The following NABP1 variants were observed in gnomAD, a reference collection of about 807,000 sequenced individuals.
The protein encoded by NABP1 is SOSS complex subunit B2.
A neutral mutation model predicts 25.0 loss-of-function variants in NABP1; 18 were observed. The ratio of observed to expected loss-of-function variants is 0.72; its 90% CI spans 0.50 to 1.07. NABP1 has a LOEUF of 1.07. Among genes scored for constraint, NABP1 ranks in the 50% least tolerant of loss-of-function variants. The pLI, the probability that NABP1 is intolerant of heterozygous loss-of-function variation, is 0.00. For missense variants in NABP1, 270 were observed against 255.6 expected (o/e 1.06, Z -0.39); for synonymous variants, 71 against 85.0 (o/e 0.84, Z 0.91).
At chr2:191,682,491 G>A (rs1687713274) in intron 3 of NABP1, 1 of 471,040 alleles carries the variant, frequency 2.1e-6, no homozygotes. Context: ...TTTATCCACA[G>A]TCTAGGTGCG....
rs764450900 is a variant in NABP1, at chr2:191,685,746, C to G, written c.593C>G (p.Pro198Arg). 4.3e-6 allele frequency: 7 copies of G among 1,613,946 alleles called. No homozygotes were observed. Among genetic ancestry groups the G allele is most frequent in the Middle Eastern group, 1.6e-4 (1 of 6,084 alleles). The change falls in exon 6 of 6, where the codon CCT (proline) becomes CGT (arginine). Residue 198 changes from proline to arginine, a missense_variant. Coordinates refer to ENST00000425611, the MANE Select transcript of NABP1 (RefSeq NM_001031716.5). ...VMTTISNGRD[P>R]RRAFKR Reference sequence around the variant, plus strand: ...ACCACAATAAGTAATGGCAGGGACCCTCGGAGAGCCTTTAAAAGATGACCT... The same window carrying G: ...ACCACAATAAGTAATGGCAGGGACCGTCGGAGAGCCTTTAAAAGATGACCT...
intron 1 of NABP1, 132 bp from the exon 2 acceptor site, chr2:191,678,858 A>C: frequency 7.2e-7 from 1 of 1,395,902 alleles, no homozygotes; most frequent in South Asian, 1.3e-5. Flanking sequence ...ATCGGATCCT[A>C]CCTGAGGCGG....
Position 191,678,378 on chromosome 2 carries a change from CT to C in NABP1, c.-230del, listed in dbSNP as rs1423189357. The C allele has an allele frequency of 5.9e-6, 2 of 338,110 alleles. No individual in the cohort carries two copies. The highest frequency in any genetic ancestry group is 1.0e-5 in the Non-Finnish European group (2 of 190,884). The allele number at this position is 338,110 out of a possible 1,614,324, so 20.9% of individuals were successfully genotyped here. A position where few individuals can be genotyped will look rare whatever the true frequency, so the allele number is the denominator to read the frequency against. On this transcript the variant is annotated 5_prime_UTR_variant, in exon 1 of 6. Transcript: ENST00000425611. ...GGGGTTGGTGTGCGGAGTGGTTCGC[CT>C]TTTTTTCTTTAGAACTTGTGAGCCT...
chr2:191,678,750 G>A (rs1391709487), intron 1 of NABP1, 45 bp downstream of exon 1: 1 of 1,552,216 alleles, frequency 6.4e-7, no homozygotes, highest in East Asian at 2.2e-5. Context: ...TGTGCCTCCC[G>A]GGGCGGGAGA....
At position 191,679,018 on chromosome 2, in the gene NABP1, T is replaced by A. The variant is rs768479440; in HGVS notation, c.120T>A (p.His40Gln). 2 of 1,614,106 alleles carry A rather than the reference T, an allele frequency of 1.2e-6. No homozygotes were observed. The highest frequency in any genetic ancestry group is 1.7e-5 in the Admixed American group (1 of 60,008). ...GCGTGACCAAAACCAAAGACGGCCA[T>A]GAAGTGAGATCGTGCAAAGTAGCAG... ...IGRVTKTKDGHEVRSCKVADK... is the reference protein window; with the variant it reads ...IGRVTKTKDGQEVRSCKVADK... Residue 40 changes from histidine (H) to glutamine (Q), a missense_variant, in exon 2 of 6, where the codon CAT becomes CAA. Physicochemically the swap from His to Gln is conservative, Grantham distance 24. Coordinates refer to ENST00000425611, the MANE Select transcript of NABP1 (RefSeq NM_001031716.5).
chr2:191,685,018 A>G (rs1687780215), intron 5 of NABP1: 1 of 152,128 alleles, frequency 6.6e-6, no homozygotes, highest in Non-Finnish European at 1.5e-5. Context: ...CCACCCAGCT[A>G]ATTTTTATAT....
In NABP1 at chr2:191,678,403, CTTT is replaced by C. The variant is rs781513296; in HGVS notation, c.-190_-188del. The C allele has an allele frequency of 9.1e-5, 22 of 242,004 alleles. No individual in the cohort carries two copies. Among genetic ancestry groups the C allele is most frequent in the African/African-American group, 4.3e-4 (14 of 32,304 alleles). 15.0% of individuals were successfully genotyped at this position (242,004 alleles called of 1,614,324 possible). ...CTTTTTTTCTTTAGAACTTGTGAGC[CTTT>C]TTTTTTTTTTTTTTTTTTTTTCTTT... On this transcript the variant is annotated 5_prime_UTR_variant, in exon 1 of 6. Transcript: ENST00000425611.
In NABP1 at chr2:191,685,581, T is replaced by G. The variant is rs1345256824; in HGVS notation, c.446-18T>G. 1 of 1,592,932 alleles carries G rather than the reference T, an allele frequency of 6.3e-7. No homozygotes were observed. The highest frequency in any genetic ancestry group is 1.3e-5 in the African/African-American group (1 of 74,116). On this transcript the variant is annotated intron_variant, in intron 5 of 5. Transcript: ENST00000425611. ...ACTACCTCTGAAAATAGTGATGAAT[T>G]TTTGTATTCTTTTTTAGGAAATGGT...
In NABP1 at chr2:191,685,706, A is replaced by G; in HGVS notation, c.553A>G (p.Asn185Asp). ...INPQLQGTAS[N>D]QTVMTTISNG... ...TCCACAACTACAAGGAACAGCTAGT[A>G]ATCAAACAGTGATGACCACAATAAG... Residue 185 changes from asparagine to aspartate, a missense_variant, in exon 6 of 6, where the codon AAT becomes GAT. Coordinates refer to ENST00000425611, the MANE Select transcript of NABP1 (RefSeq NM_001031716.5). 1 of 1,614,164 alleles carries G rather than the reference A, an allele frequency of 6.2e-7. No individual in the cohort carries two copies. Among genetic ancestry groups the G allele is most frequent in the Admixed American group, 1.7e-5 (1 of 60,024 alleles).
chr2:191,678,931 C>A (rs567305362), intron 1 of NABP1, 59 bp from the exon 2 acceptor site: 1 of 1,610,438 alleles, frequency 6.2e-7, no homozygotes, highest in Admixed American at 1.7e-5. Flanking sequence ...GAGGAGTTAG[C>A]CTTTCTGGAT....
In NABP1 at chr2:191,682,020, A is replaced by G; in HGVS notation, c.302+3A>G. 6.8e-7 allele frequency: 1 copy of G among 1,465,450 alleles called. No homozygotes were observed. The highest frequency in any genetic ancestry group is 9.1e-7 in the Non-Finnish European group (1 of 1,104,070). 90.8% of individuals were successfully genotyped at this position (1,465,450 alleles called of 1,614,324 possible). A position where few individuals can be genotyped will look rare whatever the true frequency, so the allele number is the denominator to read the frequency against. On this transcript the variant is annotated splice_donor_region_variant and intron_variant, in intron 3 of 5. Transcript: ENST00000425611. ...GGTGAACTTCAAAAAATTGGGGAGT[A>G]AGTATTAAAATGCATTTTGTATAAT... is the stretch of plus-strand genomic sequence containing the variant.
rs894508492 is a variant in NABP1 at position 191,683,248 on chromosome 2, T to G, written c.303-481T>G. ...TATGTAGCCTGTTGTTATTATTTATTGCCTAGAAACCACTCTTAACCCTAA... is the reference window on the plus strand; with the variant it reads ...TATGTAGCCTGTTGTTATTATTTATGGCCTAGAAACCACTCTTAACCCTAA... On this transcript the variant is annotated intron_variant, in intron 3 of 5. Coordinates refer to ENST00000425611, the MANE Select transcript of NABP1 (RefSeq NM_001031716.5). The surrounding 1 kb of genome is among the most constrained non-coding windows in gnomAD (Gnocchi z 4.1). 1 of 171,476 alleles carries G rather than the reference T, an allele frequency of 5.8e-6. No individual in the cohort carries two copies. The highest frequency in any genetic ancestry group is 5.8e-5 in the Admixed American group (1 of 17,280). The allele number at this position is 171,476 out of a possible 1,614,324, so 10.6% of individuals were successfully genotyped here.
In NABP1 at chr2:191,685,772, A is replaced by G; in HGVS notation, c.*4A>G. 6.2e-7 allele frequency: 1 copy of G among 1,613,744 alleles called. No homozygotes were observed. The highest frequency in any genetic ancestry group is 8.5e-7 in the Non-Finnish European group (1 of 1,179,734). On this transcript the variant is annotated 3_prime_UTR_variant, in exon 6 of 6. Coordinates refer to ENST00000425611, the MANE Select transcript of NABP1 (RefSeq NM_001031716.5). ...TCGGAGAGCCTTTAAAAGATGACCT[A>G]TGCTAAATACTCATGTGTAGTTTTT...
rs1384571736 is a variant in NABP1 at position 191,683,678 on chromosome 2, T to C, written c.303-51T>C. On this transcript the variant is annotated intron_variant, in intron 3 of 5. Coordinates refer to ENST00000425611, the MANE Select transcript of NABP1 (RefSeq NM_001031716.5). The surrounding 1 kb of genome is among the most constrained non-coding windows in gnomAD (Gnocchi z 4.1). Reference sequence around the variant, plus strand: ...GTTAGAGATGTTACATAAAGAAGGGTTGAGGACTTTATTTCAGAAGTCATT... The same window carrying C: ...GTTAGAGATGTTACATAAAGAAGGGCTGAGGACTTTATTTCAGAAGTCATT... 6.7e-6 allele frequency: 9 copies of C among 1,348,658 alleles called. No individual in the cohort carries two copies. The highest frequency in any genetic ancestry group is 8.4e-6 in the Non-Finnish European group (8 of 948,782). The allele number at this position is 1,348,658 out of a possible 1,614,324, so 83.5% of individuals were successfully genotyped here.
At position 191,678,785 on chromosome 2, in the gene NABP1, C is replaced by G. The variant is rs191533452; in HGVS notation, c.91+80C>G. Reference sequence around the variant, plus strand: ...ACAGGGGCGCCGGCCGCTGCGCGCCCGGGGCTCCCCTCCTCCTCCCTCCCC... The same window carrying G: ...ACAGGGGCGCCGGCCGCTGCGCGCCGGGGGCTCCCCTCCTCCTCCCTCCCC... On this transcript the variant is annotated intron_variant, in intron 1 of 5. Coordinates refer to ENST00000425611, the MANE Select transcript of NABP1 (RefSeq NM_001031716.5). 5 of 1,379,238 alleles carry G rather than the reference C, an allele frequency of 3.6e-6. No homozygotes were observed. In the South Asian group the frequency reaches 3.8e-5, roughly 11 times the overall value. 85.4% of individuals were successfully genotyped at this position (1,379,238 alleles called of 1,614,324 possible).
At chr2:191,684,044 A>C (rs1687751916) in intron 4 of NABP1, among the ~76,000 whole-genome samples, 186 bp from the exon 5 acceptor site, 1 of 151,568 alleles carries the variant, frequency 6.6e-6, no homozygotes, top group South Asian at 2.1e-4. Context: ...GAGCTCTGAA[A>C]GGTTTGGGAA....
chr2:191,684,173 G>T, intron 4 of NABP1, 57 bp from the exon 5 acceptor site: 8 of 1,031,616 alleles, frequency 7.8e-6, no homozygotes, highest in Non-Finnish European at 8.5e-6. Flanking sequence ...TAATAATGTT[G>T]TAATAATATA....
chr2:191,678,906 A>G (rs1574754134), intron 1 of NABP1, 84 bp from the exon 2 acceptor site: 2 of 1,581,890 alleles, frequency 1.3e-6, no homozygotes, highest in Non-Finnish European at 1.7e-6. Context: ...TTCCAGATGT[A>G]TTAAAATACC....
rs546928394 is a variant in NABP1 at position 191,686,383 on chromosome 2, A to G, written c.*615A>G. Reference sequence around the variant, plus strand: ...TCTCTATTGCAACAAGTAATTTTAAAAGAAAGCTACATTTATTTTAGAGTA... The same window carrying G: ...TCTCTATTGCAACAAGTAATTTTAAGAGAAAGCTACATTTATTTTAGAGTA... On this transcript the variant is annotated 3_prime_UTR_variant, in exon 6 of 6. Coordinates refer to ENST00000425611, the MANE Select transcript of NABP1 (RefSeq NM_001031716.5). 6.6e-6 allele frequency: 1 copy of G among 152,362 alleles called. No individual in the cohort carries two copies. The highest frequency in any genetic ancestry group is 1.9e-4 in the East Asian group (1 of 5,194). 9.4% of individuals were successfully genotyped at this position (152,362 alleles called of 1,614,324 possible).
Sources: allele counts gnomAD v4.1 joint callset (sites outside exome capture counted in the v4.1 genomes callset), GRCh38; gene constraint gnomAD v4.1.1; non-coding constraint Gnocchi (gnomAD v3.1); transcripts MANE v1.5; gene names NCBI Gene and HGNC (gene_info 2026-07-23, HGNC 2026-07-21).